Variants in ANO4 observed in about 807,000 individuals in gnomAD.
ANO4 encodes the protein anoctamin-4.
ANO4 carries 69 observed loss-of-function variants against 141.9 expected under a neutral mutation model. That is an observed-to-expected ratio of 0.49 (90% CI 0.40 to 0.59). The LOEUF (loss-of-function observed/expected upper bound fraction) is 0.59, where lower values mean the gene tolerates loss of function less well. ANO4 is among the 20% of genes least tolerant of loss of function. ANO4 has a pLI of 0.00. For missense variants in ANO4, 894 were observed against 1,162.2 expected (o/e 0.77, Z 3.36); for synonymous variants, 350 against 394.3 (o/e 0.89, Z 1.33).
chr12:100,824,979 A>G (rs2036253899), intron 1 of ANO4, among the ~76,000 whole-genome samples: 2 of 152,070 alleles, frequency 1.3e-5, no homozygotes, highest in Non-Finnish European at 2.9e-5. Context: ...AATTGTGCAT[A>G]GATTTCTGTT....
chr12:100,858,323 T>G (rs992540762), intron 1 of ANO4, among the ~76,000 whole-genome samples: 2 of 151,934 alleles, frequency 1.3e-5, no homozygotes, highest in African/African-American at 4.8e-5. Context: ...GTGGTATTTT[T>G]GTGTCTAAAC....
chr12:100,982,848 T>C (rs1349137906), intron 7 of ANO4, among the ~76,000 whole-genome samples: 3 of 152,228 alleles, frequency 2.0e-5, no homozygotes, highest in Admixed American at 1.3e-4. Context: ...ATAAGTGACA[T>C]AATCAAGATA....
At chr12:100,753,339 T>C (rs1244749342) in intron 3 of ANO4, among the ~76,000 whole-genome samples, 6 of 152,186 alleles carry the variant, frequency 3.9e-5, no homozygotes, top group African/African-American at 1.4e-4. Context: ...CCTCTCTATC[T>C]CACGTACATG....
chr12:100,891,992 T>A (rs2040131609), intron 1 of ANO4, among the ~76,000 whole-genome samples: 5 of 152,200 alleles, frequency 3.3e-5, no homozygotes, highest in Admixed American at 3.3e-4. Context: ...ATAACTGAGA[T>A]CATGTGGAGT....
At chr12:100,858,146 T>C (rs1193913084) in intron 1 of ANO4, among the ~76,000 whole-genome samples, 2 of 152,140 alleles carry the variant, frequency 1.3e-5, no homozygotes, top group Non-Finnish European at 2.9e-5. Flanking sequence ...GTCTGAGAAA[T>C]GCATTGTTAG....
chr12:101,085,385 AG>A (rs1246860886), intron 16 of ANO4, among the ~76,000 whole-genome samples: 2 of 152,178 alleles, frequency 1.3e-5, no homozygotes, highest in Non-Finnish European at 2.9e-5. Flanking sequence ...TTTTAAAAAA[AG>A]GTTAGTTGTA....
At chr12:101,044,002 G>T (rs564972371) in intron 13 of ANO4, among the ~76,000 whole-genome samples, 1 of 152,280 alleles carries the variant, frequency 6.6e-6, no homozygotes, top group South Asian at 2.1e-4. Flanking sequence ...AGACCATGAT[G>T]CTTGTTTCAC....
chr12:100,952,224 A>G (rs1404547691), intron 5 of ANO4, among the ~76,000 whole-genome samples: 2 of 152,192 alleles, frequency 1.3e-5, no homozygotes, highest in Non-Finnish European at 2.9e-5. Context: ...GACAGCTGGG[A>G]TTTAGATCCA....
intron 5 of ANO4, among the ~76,000 whole-genome samples, chr12:100,958,528 A>C (rs1168855562): frequency 6.6e-6 from 1 of 152,192 alleles, no homozygotes; most frequent in Non-Finnish European, 1.5e-5. Context: ...ATAATAAATA[A>C]GTAAATAATA....
intron 3 of ANO4, among the ~76,000 whole-genome samples, chr12:100,926,071 T>C (rs1455528019): frequency 6.6e-6 from 1 of 152,024 alleles, no homozygotes; most frequent in Non-Finnish European, 1.5e-5. Context: ...CCCAAGGATA[T>C]ATGGTTACTA....
chr12:101,104,627 G>GTATATATATA (rs1167784816), intron 22 of ANO4, among the ~76,000 whole-genome samples: 54 of 62,020 alleles, frequency 8.7e-4, no homozygotes, highest in Non-Finnish European at 1.2e-3. Flanking sequence ...ATGTATGTGT[G>GTATATATATA]TATATATATA....
In ANO4 at chr12:100,889,418, G is replaced by A. The variant is rs187365222; in HGVS notation, c.-140-12228G>A. On this transcript the variant is annotated intron_variant, in intron 1 of 27. Transcript: ENST00000392977. Reference sequence around the variant, plus strand: ...CCCAGTAATGGGATGGCTGGGTCAAGTGGTATTTCTAGTTCTAGATCCCTG... The same window carrying A: ...CCCAGTAATGGGATGGCTGGGTCAAATGGTATTTCTAGTTCTAGATCCCTG... Among the ~76,000 whole-genome samples the A allele has an allele frequency of 1.9e-3, 291 of 152,188 alleles. 1 individual carries two copies. The highest frequency in any genetic ancestry group is 6.3e-3 in the African/African-American group (262 of 41,542).
chr12:100,975,519 TCAAGCGATTCTCCTGCCTC>T (rs67952811), intron 7 of ANO4, among the ~76,000 whole-genome samples: 69,527 of 149,238 alleles, frequency 0.47, 16,912 homozygotes, highest in East Asian at 0.64. Context: ...CCTCCTGGGT[TCAAGCGATTCTCCTGCCTC>T]CAAGCGATTC....
intron 1 of ANO4, among the ~76,000 whole-genome samples, chr12:100,898,113 C>A (rs2040428129): frequency 6.6e-6 from 1 of 152,168 alleles, no homozygotes; most frequent in East Asian, 1.9e-4. Context: ...AACATAGATA[C>A]CAATTCTCAG....
In ANO4 at chr12:100,987,638, C is replaced by T. The variant is rs751631593; in HGVS notation, c.702C>T (p.Tyr234=). ...TLPDLEENDC[Y]TAPFSQQRIH... ...CAGACCTGGAGGAGAATGACTGCTA[C>T]ACTGCCCCTTTCAGCCAGCAAAGGA... The change falls in exon 8 of 28, where the codon TAC becomes TAT. Residue 234 remains tyrosine, a synonymous_variant. Transcript: ENST00000392977. 4.3e-6 allele frequency: 7 copies of T among 1,613,998 alleles called. No individual in the cohort carries two copies. The East Asian group carries it at 1.6e-4, about 36-fold the overall frequency.
intron 3 of ANO4, among the ~76,000 whole-genome samples, chr12:100,928,641 C>T (rs1182386176): frequency 6.6e-6 from 1 of 152,086 alleles, no homozygotes; most frequent in Admixed American, 6.6e-5. Flanking sequence ...TGAATGACCT[C>T]ACTTTATGTT....
At chr12:100,851,184 A>G (rs1207393400) in intron 1 of ANO4, among the ~76,000 whole-genome samples, 3 of 152,180 alleles carry the variant, frequency 2.0e-5, no homozygotes, top group Non-Finnish European at 4.4e-5. Context: ...TCCATCATCA[A>G]TTTATGAAGT....
At chr12:100,806,523 C>CCTTTTTTT (rs1593379234) in intron 1 of ANO4, among the ~76,000 whole-genome samples, 1 of 44,956 alleles carries the variant, frequency 2.2e-5, no homozygotes, top group African/African-American at 7.3e-5. Flanking sequence ...TTTTTTGTTT[C>CCTTTTTTT]GTTTTTTTTT....
chr12:101,107,753 G>A (rs1041765978), intron 22 of ANO4, among the ~76,000 whole-genome samples: 1 of 152,142 alleles, frequency 6.6e-6, no homozygotes, highest in African/African-American at 2.4e-5. Flanking sequence ...GAAACATTTT[G>A]TGTAGGGAGA....
Sources: allele counts gnomAD v4.1 joint callset (sites outside exome capture counted in the v4.1 genomes callset), GRCh38; gene constraint gnomAD v4.1.1; transcripts MANE v1.5; gene names NCBI Gene and HGNC (gene_info 2026-07-23, HGNC 2026-07-21).